The following TSGA13 variants were observed in gnomAD, a reference collection of about 807,000 sequenced individuals.
TSGA13 encodes the protein testis specific 13.
A neutral mutation model predicts 35.1 loss-of-function variants in TSGA13; 37 were observed. The ratio of observed to expected loss-of-function variants is 1.05; its 90% CI spans 0.81 to 1.39. The LOEUF is 1.39. TSGA13 is among the 40% of genes most tolerant of loss of function. The pLI is 0.00. For synonymous variants in TSGA13, 124 were observed against 121.2 expected (o/e 1.02, Z -0.15); for missense variants, 338 against 328.5 (o/e 1.03, Z -0.22).
At chr7:130,673,620 A>G (rs549536388) in intron 5 of TSGA13, among the ~76,000 whole-genome samples, 7 of 152,338 alleles carry the variant, frequency 4.6e-5, no homozygotes, top group South Asian at 4.1e-4. Flanking sequence ...CTTCCAGGCT[A>G]AACATTGCCA....
At chr7:130,678,243 G>A (rs1291395564) in intron 5 of TSGA13, among the ~76,000 whole-genome samples, 1 of 152,172 alleles carries the variant, frequency 6.6e-6, no homozygotes, top group African/African-American at 2.4e-5. Context: ...GCTGGGCGTG[G>A]TGGTGGGCAC....
At chr7:130,676,901 T>C (rs1007591430) in intron 5 of TSGA13, among the ~76,000 whole-genome samples, 3 of 152,056 alleles carry the variant, frequency 2.0e-5, no homozygotes, top group African/African-American at 7.2e-5. Context: ...TGATTCTTTT[T>C]TTTTTTTTTG....
intron 5 of TSGA13, among the ~76,000 whole-genome samples, chr7:130,674,626 A>G (rs1219538117): frequency 6.6e-6 from 1 of 152,244 alleles, no homozygotes; most frequent in Non-Finnish European, 1.5e-5. Flanking sequence ...TAGAGCAAAG[A>G]CTGGGTCTTA....
At chr7:130,680,869 G>A in intron 4 of TSGA13, 77 bp downstream of exon 4, 1 of 1,337,538 alleles carries the variant, frequency 7.5e-7, no homozygotes, top group Middle Eastern at 1.8e-4. Flanking sequence ...GAGGCATTAG[G>A]GACACTCGCA....
chr7:130,678,528 C>T (rs1231410666), intron 5 of TSGA13, among the ~76,000 whole-genome samples: 1 of 152,188 alleles, frequency 6.6e-6, no homozygotes, highest in East Asian at 1.9e-4. Context: ...TCATCTTTTA[C>T]TACTTTATTC....
At position 130,669,129 on chromosome 7, in the gene TSGA13, A is replaced by G; in HGVS notation, c.713T>C (p.Leu238Pro). The G allele has an allele frequency of 6.2e-7, 1 of 1,614,208 alleles. No individual in the cohort carries two copies. Among genetic ancestry groups the G allele is most frequent in the Middle Eastern group, 1.6e-4 (1 of 6,062 alleles). The change falls in exon 8 of 8, where the codon CTG becomes CCG. Residue 238 changes from leucine to proline, a missense_variant. Physicochemically the swap from Leu to Pro is moderately conservative, Grantham distance 98. Coordinates refer to ENST00000356588, the MANE Select transcript of TSGA13 (RefSeq NM_052933.4). ...RPISKVIREP[L>P]TLASLLEDMP... is the part of the protein sequence containing the mutation. ...GTCTTCCAAGAGCGATGCGAGTGTCAGTGGTTCCCGAATCACTTTGGAAAT... is the reference window on the plus strand; with the variant it reads ...GTCTTCCAAGAGCGATGCGAGTGTCGGTGGTTCCCGAATCACTTTGGAAAT...
chr7:130,670,873 T>A (rs900945951), intron 7 of TSGA13, among the ~76,000 whole-genome samples: 3 of 152,164 alleles, frequency 2.0e-5, no homozygotes, highest in Non-Finnish European at 4.4e-5. Flanking sequence ...GCAATCCTCC[T>A]GCCCCAGCCT....
Position 130,668,882 on chromosome 7 carries a change from G to C in TSGA13, c.*132C>G, listed in dbSNP as rs1401668252. 5.7e-6 allele frequency: 8 copies of C among 1,415,428 alleles called. No homozygotes were observed. The highest frequency in any genetic ancestry group is 4.7e-5 in the Admixed American group (2 of 42,544). 87.7% of individuals were successfully genotyped at this position (1,415,428 alleles called of 1,614,324 possible). On this transcript the variant is annotated 3_prime_UTR_variant, in exon 8 of 8. Transcript: ENST00000356588. Reference sequence around the variant, plus strand: ...CCTCTTGCGGCCCGCCGGAGACTTCGGCTCGACCCTCCCGGCTTGCGACCC... The same window carrying C: ...CCTCTTGCGGCCCGCCGGAGACTTCCGCTCGACCCTCCCGGCTTGCGACCC...
At position 130,672,884 on chromosome 7, in the gene TSGA13, G is replaced by C. The variant is rs1554463512; in HGVS notation, c.388-8C>G. On this transcript the variant is annotated splice_region_variant and splice_polypyrimidine_tract_variant and intron_variant, in intron 5 of 7. Coordinates refer to ENST00000356588, the MANE Select transcript of TSGA13 (RefSeq NM_052933.4). ...GTGCTGATGATGACTTTCCTGTAGG[G>C]AAACGAGGGAAGAAGAGTGAGGGAG... 6.2e-7 allele frequency: 1 copy of C among 1,612,056 alleles called. No homozygotes were observed. Among genetic ancestry groups the C allele is most frequent in the Non-Finnish European group, 8.5e-7 (1 of 1,178,968 alleles).
intron 5 of TSGA13, among the ~76,000 whole-genome samples, chr7:130,674,088 C>A (rs1042157196): frequency 4.0e-5 from 6 of 151,742 alleles, no homozygotes; most frequent in Middle Eastern, 6.9e-3. Flanking sequence ...GAGTGAGACT[C>A]CATCTCAGTA....
At chr7:130,681,121 TAC>T in intron 3 of TSGA13, 104 bp from the exon 4 acceptor site, 41 of 938,010 alleles carry the variant, frequency 4.4e-5, no homozygotes, top group Non-Finnish European at 6.8e-5. Flanking sequence ...GTCTCTAACT[TAC>T]ACTAAGTAAG....
chr7:130,669,189 A>G lies in TSGA13; in HGVS notation c.659-6T>C. 1 of 1,614,202 alleles carries G rather than the reference A, an allele frequency of 6.2e-7. No homozygotes were observed. The highest frequency in any genetic ancestry group is 8.5e-7 in the Non-Finnish European group (1 of 1,180,032). ...ACTCGCTGACTTCTTGGAAGCTACG[A>G]CAAAGCACAGGCACCCTGGTGAATG... On this transcript the variant is annotated splice_region_variant and splice_polypyrimidine_tract_variant and intron_variant, in intron 7 of 7. Coordinates refer to ENST00000356588, the MANE Select transcript of TSGA13 (RefSeq NM_052933.4).
rs782105143 is a variant in TSGA13, at chr7:130,679,161, C to G, written c.381G>C (p.Lys127Asn). The G allele has an allele frequency of 4.3e-6, 7 of 1,613,670 alleles. No individual in the cohort carries two copies. The highest frequency in any genetic ancestry group is 1.3e-5 in the African/African-American group (1 of 74,932). ...CCAGGAGACTTCTGCTTACCATGAC[C>G]TTGAGCAGTAACTCCTTGGAAAAAT... ...SKYFSKELLL[K>N]VMESHHQHKP... The change falls in exon 5 of 8, where the codon AAG becomes AAC. Residue 127 changes from lysine (K) to asparagine (N), a missense_variant. Coordinates refer to ENST00000356588, the MANE Select transcript of TSGA13 (RefSeq NM_052933.4).
At chr7:130,681,761 C>T (rs932231663) in intron 3 of TSGA13, among the ~76,000 whole-genome samples, 1 of 151,904 alleles carries the variant, frequency 6.6e-6, no homozygotes, top group Non-Finnish European at 1.5e-5. Flanking sequence ...TTCTGCTGAC[C>T]TAGTGTTCTT....
At chr7:130,669,265 C>G (rs1796189182) in intron 7 of TSGA13, 82 bp from the exon 8 acceptor site, 1 of 1,567,646 alleles carries the variant, frequency 6.4e-7, no homozygotes, top group Admixed American at 1.7e-5. Context: ...GTAAAGGAGA[C>G]GCACTTGGAG....
At chr7:130,679,084 A>T in intron 5 of TSGA13, 71 bp downstream of exon 5, 2 of 1,258,490 alleles carry the variant, frequency 1.6e-6, no homozygotes, top group Non-Finnish European at 2.3e-6. Flanking sequence ...ATGTTAAGTT[A>T]ACTTCCTTCT....
At chr7:130,678,996 C>T (rs144265086) in intron 5 of TSGA13, among the ~76,000 whole-genome samples, 159 bp downstream of exon 5, 12 of 152,238 alleles carry the variant, frequency 7.9e-5, no homozygotes, top group African/African-American at 2.2e-4. Context: ...CACTGCAGTC[C>T]GGCCTGGGTA....
At chr7:130,678,420 C>A (rs573370894) in intron 5 of TSGA13, among the ~76,000 whole-genome samples, 1 of 152,092 alleles carries the variant, frequency 6.6e-6, no homozygotes, top group Non-Finnish European at 1.5e-5. Context: ...TGGCAAATTC[C>A]GTCTTCTGAA....
intron 5 of TSGA13, among the ~76,000 whole-genome samples, chr7:130,675,534 C>T (rs1160419483): frequency 6.6e-6 from 1 of 152,156 alleles, no homozygotes; most frequent in Non-Finnish European, 1.5e-5. Flanking sequence ...CAGGCATGTG[C>T]CACCACGCCT....
Sources: allele counts gnomAD v4.1 joint callset (sites outside exome capture counted in the v4.1 genomes callset), GRCh38; gene constraint gnomAD v4.1.1; transcripts MANE v1.5; gene names NCBI Gene and HGNC (gene_info 2026-07-23, HGNC 2026-07-21).